Variants in PTAFR observed in about 807,000 individuals in gnomAD.
The protein encoded by PTAFR is platelet activating factor receptor, also known as platelet-activating factor receptor.
PTAFR carries 8 observed loss-of-function variants against 14.7 expected under a neutral mutation model. The ratio of observed to expected loss-of-function variants is 0.54; its 90% CI spans 0.32 to 0.98. The LOEUF is 0.98. Ranked by LOEUF, PTAFR falls within the 50% of genes least tolerant of loss-of-function variation. The pLI, the probability that PTAFR is intolerant of heterozygous loss-of-function variation, is 0.04. For synonymous variants in PTAFR, 156 were observed against 176.5 expected (o/e 0.88, Z 0.92); for missense variants, 337 against 451.2 (o/e 0.75, Z 2.29).
At chr1:28,159,546 A>G (rs1646300556) in intron 1 of PTAFR, among the ~76,000 whole-genome samples, 1 of 152,104 alleles carries the variant, frequency 6.6e-6, no homozygotes, top group Admixed American at 6.6e-5. Flanking sequence ...TCACTCAAGA[A>G]GTTCGATTGA....
intron 1 of PTAFR, among the ~76,000 whole-genome samples, chr1:28,182,366 A>G (rs1646569419): frequency 6.8e-6 from 1 of 146,254 alleles, no homozygotes; most frequent in South Asian, 2.3e-4. Flanking sequence ...AAAAGGAAGG[A>G]AGGGAGGGAG....
chr1:28,167,858 C>G (rs10902693), intron 1 of PTAFR, among the ~76,000 whole-genome samples: 2 of 150,718 alleles, frequency 1.3e-5, no homozygotes, highest in Admixed American at 6.6e-5. Flanking sequence ...AAGCTGGTCT[C>G]TAACGCCTGA....
At chr1:28,151,317 T>G (rs1646185321) in intron 1 of PTAFR, among the ~76,000 whole-genome samples, 1 of 152,060 alleles carries the variant, frequency 6.6e-6, no homozygotes, top group Non-Finnish European at 1.5e-5. Context: ...GTAGCTGGGA[T>G]TACAGGCATG....
At chr1:28,191,944 G>A (rs1646657216) in intron 1 of PTAFR, among the ~76,000 whole-genome samples, 1 of 152,014 alleles carries the variant, frequency 6.6e-6, no homozygotes, top group Admixed American at 6.6e-5. Context: ...GTGCATGCCT[G>A]TGGTCCCAGT....
intron 1 of PTAFR, among the ~76,000 whole-genome samples, chr1:28,165,132 T>C (rs1646368117): frequency 6.6e-6 from 1 of 152,198 alleles, no homozygotes; most frequent in South Asian, 2.1e-4. Flanking sequence ...CCAGGCACGA[T>C]GGCTCATGCC....
At chr1:28,179,729 C>T (rs548415124), upstream of PTAFR, among the ~76,000 whole-genome samples, 1 of 151,974 alleles carries the variant, frequency 6.6e-6, no homozygotes, top group East Asian at 1.9e-4. Flanking sequence ...ATCCCAGTGG[C>T]TTGGGAGGTT....
At chr1:28,160,097 C>T (rs1207765685) in intron 1 of PTAFR, among the ~76,000 whole-genome samples, 1 of 151,544 alleles carries the variant, frequency 6.6e-6, no homozygotes, top group African/African-American at 2.4e-5. Flanking sequence ...CACCTCTAGT[C>T]CCAGTTACTC....
At chr1:28,164,889 C>A (rs969200138) in intron 1 of PTAFR, among the ~76,000 whole-genome samples, 2 of 152,156 alleles carry the variant, frequency 1.3e-5, no homozygotes, top group South Asian at 2.1e-4. Flanking sequence ...GAAGGGAATG[C>A]GACAAAGGGA....
chr1:28,174,669 G>T (rs1177768227), intron 1 of PTAFR, among the ~76,000 whole-genome samples: 1 of 152,158 alleles, frequency 6.6e-6, no homozygotes, highest in Non-Finnish European at 1.5e-5. Flanking sequence ...TGCAAAAACC[G>T]CTTCATCATT....
chr1:28,155,600 C>G (rs947263969), intron 1 of PTAFR, among the ~76,000 whole-genome samples: 2 of 152,132 alleles, frequency 1.3e-5, no homozygotes, highest in Non-Finnish European at 2.9e-5. Flanking sequence ...GGACTTGGCT[C>G]ACGGCTGTAA....
At chr1:28,161,041 C>G (rs1646317308) in intron 1 of PTAFR, among the ~76,000 whole-genome samples, 1 of 152,182 alleles carries the variant, frequency 6.6e-6, no homozygotes, top group Non-Finnish European at 1.5e-5. Flanking sequence ...CATGCTGTTT[C>G]CTCTGCCAAG....
intron 1 of PTAFR, among the ~76,000 whole-genome samples, chr1:28,189,612 T>TTAAA (rs1434133426): frequency 3.3e-5 from 5 of 151,514 alleles, no homozygotes; most frequent in East Asian, 1.9e-4. Flanking sequence ...GATTCCGTCT[T>TTAAA]TAAATAAATA....
chr1:28,181,547 G>A (rs1374550334), upstream of PTAFR, among the ~76,000 whole-genome samples: 1 of 151,996 alleles, frequency 6.6e-6, no homozygotes, highest in African/African-American at 2.4e-5. Context: ...AGCAGTTCAA[G>A]ACCAGCCTCA....
intron 1 of PTAFR, among the ~76,000 whole-genome samples, chr1:28,169,005 A>AAAAAG (rs986667006): frequency 5.3e-5 from 8 of 152,100 alleles, no homozygotes; most frequent in Admixed American, 2.0e-4. Flanking sequence ...CAGGATTTAA[A>AAAAAG]AAAAGAAAAG....
chr1:28,162,761 A>C (rs1383876206), intron 1 of PTAFR, among the ~76,000 whole-genome samples: 2 of 146,694 alleles, frequency 1.4e-5, no homozygotes, highest in African/African-American at 2.5e-5. Flanking sequence ...CCCAGGAGAC[A>C]GAGGTTGCAG....
chr1:28,168,109 C>T (rs1322604610), intron 1 of PTAFR, among the ~76,000 whole-genome samples: 1 of 150,210 alleles, frequency 6.7e-6, no homozygotes, highest in Non-Finnish European at 1.5e-5. Flanking sequence ...CAGGTGCCCG[C>T]CACCACACCC....
rs552389895 is a variant in PTAFR, at chr1:28,148,907, C to A, written c.*1086G>T. On this transcript the variant is annotated 3_prime_UTR_variant, in exon 2 of 2. Transcript: ENST00000373857. ...CAGCCCCAATTTTGCTTTCAAGGGGCCTTTGCCCACCCTCAGTGGGTGGCT... is the reference window on the plus strand; with the variant it reads ...CAGCCCCAATTTTGCTTTCAAGGGGACTTTGCCCACCCTCAGTGGGTGGCT... The A allele has an allele frequency of 6.6e-6, 1 of 152,232 alleles. No individual in the cohort carries two copies. The highest frequency in any genetic ancestry group is 2.4e-5 in the African/African-American group (1 of 41,452). The allele number at this position is 152,232 out of a possible 1,614,324, so 9.4% of individuals were successfully genotyped here.
chr1:28,157,865 T>C (rs1324422167), intron 1 of PTAFR, among the ~76,000 whole-genome samples: 3 of 149,976 alleles, frequency 2.0e-5, no homozygotes, highest in Non-Finnish European at 4.5e-5. Flanking sequence ...CTCCTGACCT[T>C]GTGATCTGCC....
rs1190496671 is a variant in PTAFR at position 28,147,402 on chromosome 1, A to C, written c.*2591T>G. The stretch of plus-strand genomic sequence containing the variant: ...GGACGCTCACAGGGCCTAAAGGAAG[A>C]GTGCTGGGCCCCTGGAGGACTGAGG... On this transcript the variant is annotated 3_prime_UTR_variant, in exon 2 of 2. Transcript: ENST00000373857. 6.6e-6 allele frequency: 1 copy of C among 152,174 alleles called. No individual in the cohort carries two copies. Among genetic ancestry groups the C allele is most frequent in the Non-Finnish European group, 1.5e-5 (1 of 68,032 alleles). 9.4% of individuals were successfully genotyped at this position (152,174 alleles called of 1,614,324 possible).
Sources: gnomAD v4.1 joint callset for allele counts (sites outside exome capture counted in the v4.1 genomes callset) on GRCh38, gnomAD v4.1.1 for gene constraint, MANE v1.5 for transcripts, NCBI Gene and HGNC (gene_info 2026-07-23, HGNC 2026-07-21) for gene names.